The following GALNT13 variants were observed in gnomAD, a reference collection of about 807,000 sequenced individuals.
The protein encoded by GALNT13 is UDP-GalNAc:polypeptide N-acetylgalactosaminyltransferase 13.
Under a neutral mutation model 64.2 loss-of-function variants are expected in GALNT13, and 28 were observed. The observed-to-expected ratio is 0.44, with a 90% CI of 0.32 to 0.60. GALNT13 has a LOEUF of 0.60. Among genes scored for constraint, GALNT13 ranks in the 20% least tolerant of loss-of-function variants. The pLI, the probability that GALNT13 is intolerant of heterozygous loss-of-function variation, is 0.05. For missense variants in GALNT13, 577 were observed against 669.8 expected (o/e 0.86, Z 1.53); for synonymous variants, 214 against 224.6 (o/e 0.95, Z 0.42).
the GALNT13 span, among the ~76,000 whole-genome samples, chr2:153,453,816 CAT>C: frequency 6.6e-6 from 1 of 152,172 alleles, no homozygotes; most frequent in Non-Finnish European, 1.5e-5. Flanking sequence ...CACATGCACT[CAT>C]ATGTTCATCA....
At chr2:153,499,445 A>G in the GALNT13 span, among the ~76,000 whole-genome samples, 5 of 152,228 alleles carry the variant, frequency 3.3e-5, no homozygotes, top group African/African-American at 1.2e-4. Context: ...TGGAACTGAC[A>G]GCCTGCTCCC....
the GALNT13 span, among the ~76,000 whole-genome samples, chr2:153,380,799 TTTTTA>T: frequency 6.6e-6 from 1 of 152,148 alleles, no homozygotes; most frequent in South Asian, 2.1e-4. Flanking sequence ...GTATTTTAAA[TTTTTA>T]TTTTATATAT....
the GALNT13 span, among the ~76,000 whole-genome samples, chr2:153,402,162 T>G: frequency 2.7e-5 from 4 of 146,296 alleles, no homozygotes; most frequent in African/African-American, 1.0e-4. Flanking sequence ...GTCTGTAAAG[T>G]ATTTTATTTG....
At chr2:154,007,683 C>T (rs1222510380) in intron 3 of GALNT13, among the ~76,000 whole-genome samples, 2 of 151,762 alleles carry the variant, frequency 1.3e-5, no homozygotes, top group Admixed American at 6.6e-5. Context: ...GATAAAGAGG[C>T]GATGGTTGGG....
chr2:154,218,412 A>G (rs150950720), intron 4 of GALNT13, among the ~76,000 whole-genome samples: 1 of 152,166 alleles, frequency 6.6e-6, no homozygotes, highest in Non-Finnish European at 1.5e-5. Context: ...CATACAAGAA[A>G]TATGCCCTCC....
chr2:153,829,524 C>T, the GALNT13 span, among the ~76,000 whole-genome samples: 3 of 152,004 alleles, frequency 2.0e-5, no homozygotes, highest in African/African-American at 7.2e-5. Flanking sequence ...AAAAGACCTG[C>T]CCCCATGATT....
At chr2:153,209,202 G>A in the GALNT13 span, among the ~76,000 whole-genome samples, 3 of 151,890 alleles carry the variant, frequency 2.0e-5, no homozygotes, top group Admixed American at 6.6e-5. Flanking sequence ...GGATGGTCTC[G>A]ATTTCCTGAC....
chr2:154,327,641 A>G (rs1299669639), intron 9 of GALNT13, among the ~76,000 whole-genome samples: 2 of 152,162 alleles, frequency 1.3e-5, no homozygotes, highest in African/African-American at 4.8e-5. Flanking sequence ...TGGTTTCCAG[A>G]ACTTACATAA....
At chr2:153,815,999 T>A in the GALNT13 span, among the ~76,000 whole-genome samples, 1 of 152,194 alleles carries the variant, frequency 6.6e-6, no homozygotes, top group Non-Finnish European at 1.5e-5. Context: ...ATTCACTCAC[T>A]CACAAGTATG....
At chr2:153,985,940 A>G (rs926277748) in intron 3 of GALNT13, among the ~76,000 whole-genome samples, 1 of 152,076 alleles carries the variant, frequency 6.6e-6, no homozygotes, top group African/African-American at 2.4e-5. Context: ...TCTCAGCATA[A>G]TTGTTCAGGT....
chr2:154,166,286 T>C (rs1025418324), intron 4 of GALNT13, among the ~76,000 whole-genome samples: 1 of 152,074 alleles, frequency 6.6e-6, no homozygotes, highest in African/African-American at 2.4e-5. Context: ...GTGCCTGTAA[T>C]CCTAGCTGCT....
chr2:153,883,274 A>G (rs777544609), intron 1 of GALNT13, among the ~76,000 whole-genome samples: 1 of 151,836 alleles, frequency 6.6e-6, no homozygotes, highest in African/African-American at 2.4e-5. Flanking sequence ...ATGAAACAAG[A>G]TGGAAAATAT....
the GALNT13 span, among the ~76,000 whole-genome samples, chr2:153,270,467 T>C: frequency 5.3e-5 from 8 of 152,214 alleles, no homozygotes; most frequent in Non-Finnish European, 1.0e-4. Flanking sequence ...ACATAGGCAG[T>C]TTGACTTCAG....
intron 7 of GALNT13, among the ~76,000 whole-genome samples, chr2:154,256,284 T>C (rs1005162802): frequency 6.6e-6 from 1 of 151,598 alleles, no homozygotes; most frequent in Non-Finnish European, 1.5e-5. Flanking sequence ...TAATTGGAAA[T>C]TGCAGAAAAG....
chr2:153,401,962 C>T, the GALNT13 span, among the ~76,000 whole-genome samples: 1 of 147,234 alleles, frequency 6.8e-6, no homozygotes, highest in African/African-American at 2.5e-5. Context: ...GAATTTGATC[C>T]TGTCATTATG....
chr2:153,619,323 T>C, the GALNT13 span, among the ~76,000 whole-genome samples: 2 of 152,106 alleles, frequency 1.3e-5, no homozygotes, highest in African/African-American at 2.4e-5. Flanking sequence ...CTCTATGCCT[T>C]AAATTCATCT....
chr2:153,667,133 A>T, the GALNT13 span, among the ~76,000 whole-genome samples: 1 of 152,212 alleles, frequency 6.6e-6, no homozygotes, highest in Non-Finnish European at 1.5e-5. Context: ...GTGATATGAG[A>T]TTATGTAAAG....
chr2:153,078,563 G>A, the GALNT13 span, among the ~76,000 whole-genome samples: 32,359 of 151,754 alleles, frequency 0.21, 3,847 homozygotes, highest in Non-Finnish European at 0.28. Flanking sequence ...CGCCCACCTC[G>A]GCCTCCCAAA....
chr2:154,242,698 A>G lies in GALNT13; in HGVS notation c.479A>G (p.Asp160Gly). 1 of 1,601,584 alleles carries G rather than the reference A, an allele frequency of 6.2e-7. No homozygotes were observed. Among genetic ancestry groups the G allele is most frequent in the Non-Finnish European group, 8.6e-7 (1 of 1,168,920 alleles). ...VILVDDASERDFLKLTLENYV... is the reference protein window; with the variant it reads ...VILVDDASERGFLKLTLENYV... ...TTATAAATTCTTATACATGTTACAG[A>G]TTTTCTCAAGTTGACATTAGAGAAT... The change falls in exon 6 of 13, where the codon GAT becomes GGT. Residue 160 changes from aspartate to glycine, a missense_variant and splice_region_variant. Transcript: ENST00000392825.
Sources: allele counts gnomAD v4.1 joint callset (sites outside exome capture counted in the v4.1 genomes callset), GRCh38; gene constraint gnomAD v4.1.1; transcripts MANE v1.5; gene names NCBI Gene and HGNC (gene_info 2026-07-23, HGNC 2026-07-21).